Variants in ZNF462 observed in about 807,000 individuals in gnomAD.
ZNF462 encodes the protein zinc finger PBX1-interacting protein.
A neutral mutation model predicts 201.9 loss-of-function variants in ZNF462; 10 were observed. The ratio of observed to expected loss-of-function variants is 0.05; its 90% CI spans 0.03 to 0.08. The LOEUF (loss-of-function observed/expected upper bound fraction) is 0.08. Ranked by LOEUF, ZNF462 falls within the 10% of genes least tolerant of loss-of-function variation. ZNF462 has a pLI of 1.00. For missense variants in ZNF462, 2,523 were observed against 3,168.3 expected, an observed-to-expected ratio of 0.80 and a Z score of 4.89; for synonymous variants, 1,227 against 1,193.3, an observed-to-expected ratio of 1.03 and a Z score of -0.58.
At chr9:106,931,101 GC>G (rs1458320693) in intron 4 of ZNF462, 3 of 168,422 alleles carry the variant, frequency 1.8e-5, no homozygotes, top group Non-Finnish European at 3.9e-5. Context: ...TTCTCATCTG[GC>G]TGAGGATGCA....
intron 1 of ZNF462, among the ~76,000 whole-genome samples, chr9:106,896,738 C>A (rs1828829189): frequency 6.6e-6 from 1 of 152,166 alleles, no homozygotes; most frequent in South Asian, 2.1e-4. Context: ...TCTGCTAAAC[C>A]TTGCTGTCTC....
rs1830173244 is a variant in ZNF462, at chr9:106,925,857, C to T, written c.1945C>T (p.Pro649Ser). The change falls in exon 3 of 13, where the codon CCC becomes TCC. Residue 649 changes from proline (P) to serine (S), a missense_variant. Transcript: ENST00000277225. The surrounding 1 kb of genome is among the most constrained non-coding windows in gnomAD (Gnocchi z 7.9). ...ATTGGAAAATGAGACAGACAGCCAC[C>T]CCTCTTCCAGCAACACTGTGAAGAA... ...LPLENETDSHPSSSNTVKKSQ... is the reference protein window; with the variant it reads ...LPLENETDSHSSSSNTVKKSQ... The T allele has an allele frequency of 6.2e-7, 1 of 1,614,168 alleles. No homozygotes were observed. Among genetic ancestry groups the T allele is most frequent in the Non-Finnish European group, 8.5e-7 (1 of 1,180,022 alleles).
At chr9:106,940,011 A>G (rs934902392) in intron 7 of ZNF462, among the ~76,000 whole-genome samples, 3 of 152,162 alleles carry the variant, frequency 2.0e-5, no homozygotes, top group Non-Finnish European at 4.4e-5. Context: ...AGGTCAAGGA[A>G]TGACTGTCTC....
chr9:106,965,119 A>G (rs540864116), intron 7 of ZNF462, among the ~76,000 whole-genome samples: 8 of 152,228 alleles, frequency 5.3e-5, no homozygotes, highest in African/African-American at 1.7e-4. Flanking sequence ...GCTGGGAAAA[A>G]TCTTCACAGA....
In ZNF462 at chr9:106,919,971, A is replaced by G. The variant is rs1465864497; in HGVS notation, c.-30-3383A>G. ...TTTTGATTTTGCTGATTTTGGTGAG[A>G]AAAAATATTGCTAATTTCATAATCA... On this transcript the variant is annotated intron_variant, in intron 1 of 12. Coordinates refer to ENST00000277225, the MANE Select transcript of ZNF462 (RefSeq NM_021224.6). This position sits in a 1 kb window ranked among gnomAD's most constrained non-coding sequence, Gnocchi z 4.5. Among the ~76,000 whole-genome samples, 2 of 152,202 alleles carry G rather than the reference A, an allele frequency of 1.3e-5. No homozygotes were observed. The highest frequency in any genetic ancestry group is 2.9e-5 in the Non-Finnish European group (2 of 68,054).
rs563670711 is a variant in ZNF462 at position 106,909,400 on chromosome 9, G to A, written c.-30-13954G>A. On this transcript the variant is annotated intron_variant, in intron 1 of 12. Coordinates refer to ENST00000277225, the MANE Select transcript of ZNF462 (RefSeq NM_021224.6). ...AAGGAATTATAATTTTATTTTGTAAGTATTATCAATTATTCAATTTTAGTT... is the reference window on the plus strand; with the variant it reads ...AAGGAATTATAATTTTATTTTGTAAATATTATCAATTATTCAATTTTAGTT... Among the ~76,000 whole-genome samples the A allele has an allele frequency of 2.0e-5, 3 of 151,944 alleles. No individual in the cohort carries two copies. The East Asian group carries it at 5.8e-4, about 29-fold the overall frequency.
intron 1 of ZNF462, among the ~76,000 whole-genome samples, chr9:106,881,480 C>G (rs978818023): frequency 6.6e-6 from 1 of 152,110 alleles, no homozygotes; most frequent in South Asian, 2.1e-4. Context: ...TTGTAAAGTT[C>G]TTTTGAGGAA....
In ZNF462 at chr9:106,871,495, C is replaced by G. The variant is rs78475442; in HGVS notation, c.-31+8140C>G. ...TAGCCAAATTGAAGAAGTCTGTCCA[C>G]TGGGGAAGATCCTACAGGAAGAAGT... On this transcript the variant is annotated intron_variant, in intron 1 of 12. Transcript: ENST00000277225. 5.8e-4 allele frequency among the ~76,000 whole-genome samples: 88 copies of G among 152,324 alleles called. No individual in the cohort carries two copies. In the East Asian group the frequency reaches 0.017, roughly 29 times the overall value.
intron 1 of ZNF462, among the ~76,000 whole-genome samples, chr9:106,912,880 C>T (rs1309350812): frequency 6.6e-6 from 1 of 152,126 alleles, no homozygotes; most frequent in Non-Finnish European, 1.5e-5. Flanking sequence ...CTGTTTCTAC[C>T]TGATTTTGTT....
rs752789724 is a variant in ZNF462 at position 106,927,642 on chromosome 9, C to T, written c.3730C>T (p.Pro1244Ser). ...RSLCDRNQKK[P>S]ASCVLVSPSN... ...CCTCTGCGACCGAAATCAGAAGAAG[C>T]CTGCCAGCTGCGTGCTTGTCTCCCC... Residue 1244 changes from proline (P) to serine (S), a missense_variant, in exon 3 of 13, where the codon CCT becomes TCT. Pro to Ser is a moderately conservative substitution (Grantham distance 74, BLOSUM62 -1). Transcript: ENST00000277225. The T allele has an allele frequency of 1.2e-6, 2 of 1,613,978 alleles. No homozygotes were observed. The highest frequency in any genetic ancestry group is 1.1e-5 in the South Asian group (1 of 91,064).
Position 106,929,800 on chromosome 9 carries a change from T to G in ZNF462, c.5847+41T>G. 6.5e-7 allele frequency: 1 copy of G among 1,542,638 alleles called. No homozygotes were observed. The highest frequency in any genetic ancestry group is 1.2e-5 in the South Asian group (1 of 80,614). ...GATTTCCCTTCCCCCAGGAGGCCTC[T>G]CATCACTGGTGCCCACATGCACTTC... is the stretch of plus-strand genomic sequence containing the variant. On this transcript the variant is annotated intron_variant, in intron 3 of 12. Transcript: ENST00000277225. This position sits in a 1 kb window ranked among gnomAD's most constrained non-coding sequence, Gnocchi z 8.7.
rs902839122 is a variant in ZNF462 at position 106,963,711 on chromosome 9, T to A, written c.6428-8294T>A. Among the ~76,000 whole-genome samples, 2 of 152,104 alleles carry A rather than the reference T, an allele frequency of 1.3e-5. No individual in the cohort carries two copies. Among genetic ancestry groups the A allele is most frequent in the African/African-American group, 2.4e-5 (1 of 41,428 alleles). On this transcript the variant is annotated intron_variant, in intron 7 of 12. Coordinates refer to ENST00000277225, the MANE Select transcript of ZNF462 (RefSeq NM_021224.6). This position sits in a 1 kb window ranked among gnomAD's most constrained non-coding sequence, Gnocchi z 4.7. Reference sequence around the variant, plus strand: ...GTAAAAACCATATAACATGGGAATTTACCCTCTTAACAAATTTCTAAGTAT... The same window carrying A: ...GTAAAAACCATATAACATGGGAATTAACCCTCTTAACAAATTTCTAAGTAT...
At chr9:106,862,597 A>T (rs1463357100), upstream of ZNF462, among the ~76,000 whole-genome samples, 2 of 144,078 alleles carry the variant, frequency 1.4e-5, no homozygotes, top group Admixed American at 1.4e-4. This position sits in a 1 kb window ranked among gnomAD's most constrained non-coding sequence, Gnocchi z 4.2. Flanking sequence ...CTCCACCACC[A>T]CCTCCTCCTC....
rs1023014060 is a variant in ZNF462 at position 106,970,009 on chromosome 9, A to C, written c.6428-1996A>C. 4.6e-5 allele frequency among the ~76,000 whole-genome samples: 7 copies of C among 152,224 alleles called. No homozygotes were observed. Among genetic ancestry groups the C allele is most frequent in the Non-Finnish European group, 8.8e-5 (6 of 68,032 alleles). On this transcript the variant is annotated intron_variant, in intron 7 of 12. Coordinates refer to ENST00000277225, the MANE Select transcript of ZNF462 (RefSeq NM_021224.6). This position sits in a 1 kb window ranked among gnomAD's most constrained non-coding sequence, Gnocchi z 4.2. ...GCAGAAACTAGACTTGAGGGCTTAA[A>C]TAGAAAACATCTCAAACAATCCATG...
intron 1 of ZNF462, among the ~76,000 whole-genome samples, chr9:106,868,240 CCTT>C (rs1373383401): frequency 6.6e-6 from 1 of 152,116 alleles, no homozygotes; most frequent in Non-Finnish European, 1.5e-5. Flanking sequence ...AAATTCCTCT[CCTT>C]GTGTGATATG....
intron 7 of ZNF462, among the ~76,000 whole-genome samples, chr9:106,960,903 C>T (rs1158737917): frequency 6.6e-6 from 1 of 152,048 alleles, no homozygotes; most frequent in East Asian, 1.9e-4. Flanking sequence ...TTTTCTGAGC[C>T]ACTACAAGTC....
rs1028449422 is a variant in ZNF462, at chr9:106,978,602, T to TAAG, written c.6832+4330_6832+4332dup. 3.5e-4 allele frequency among the ~76,000 whole-genome samples: 53 copies of TAAG among 151,618 alleles called. No homozygotes were observed. Among genetic ancestry groups the TAAG allele is most frequent in the Non-Finnish European group, 7.2e-4 (49 of 68,032 alleles). On this transcript the variant is annotated intron_variant, in intron 9 of 12. Coordinates refer to ENST00000277225, the MANE Select transcript of ZNF462 (RefSeq NM_021224.6). This position sits in a 1 kb window ranked among gnomAD's most constrained non-coding sequence, Gnocchi z 4.1. ...TTGATGAGTTTAACTAGGGAAAAAT[T>TAAG]AAGCCCTGAACTTCTCTTTCAAGGA...
Position 106,925,339 on chromosome 9 carries a change from C to T in ZNF462, c.1427C>T (p.Pro476Leu), listed in dbSNP as rs746205272. ...KTAVYKCDEC[P>L]FTCKSSLKLG... ...GCTGTCTACAAATGTGACGAATGTC[C>T]GTTTACTTGCAAGAGCTCGTTGAAA... The change falls in exon 3 of 13, where the codon CCG (proline) becomes CTG (leucine). Residue 476 changes from proline (P) to leucine (L), a missense_variant. This residue lies in a region of ZNF462 where 383 missense variants were observed against 453.4 expected (regional missense o/e 0.84). Transcript: ENST00000277225. This position sits in a 1 kb window ranked among gnomAD's most constrained non-coding sequence, Gnocchi z 7.9. The T allele has an allele frequency of 2.0e-5, 32 of 1,614,060 alleles. No individual in the cohort carries two copies. The East Asian group carries it at 4.0e-4, about 20-fold the overall frequency.
rs1588060634 is a variant in ZNF462, at chr9:106,923,718, C to T, written c.220+115C>T. On this transcript the variant is annotated intron_variant, in intron 2 of 12. Transcript: ENST00000277225. The surrounding 1 kb of genome is among the most constrained non-coding windows in gnomAD (Gnocchi z 5.6). ...CTTTTGCAGAGTTTCTTGTGCTTTG[C>T]TAGCCATTTTTGTGGTTTGGGCATC... is the stretch of plus-strand genomic sequence containing the variant. 4 of 1,073,058 alleles carry T rather than the reference C, an allele frequency of 3.7e-6. No individual in the cohort carries two copies. Among genetic ancestry groups the T allele is most frequent in the South Asian group, 3.1e-5 (2 of 63,972 alleles). 66.5% of individuals were successfully genotyped at this position (1,073,058 alleles called of 1,614,324 possible). A position where few individuals can be genotyped will look rare whatever the true frequency, so the allele number is the denominator to read the frequency against.
Sources: allele counts gnomAD v4.1 joint callset (sites outside exome capture counted in the v4.1 genomes callset), GRCh38; gene constraint gnomAD v4.1.1; regional missense constraint gnomAD v4.1.1; non-coding constraint Gnocchi (gnomAD v3.1); transcripts MANE v1.5; gene names NCBI Gene and HGNC (gene_info 2026-07-23, HGNC 2026-07-21).